The following PELP1 variants were observed in gnomAD, a reference collection of about 807,000 sequenced individuals.
The protein encoded by PELP1 is proline, glutamate and leucine rich protein 1.
A neutral mutation model predicts 95.5 loss-of-function variants in PELP1; 32 were observed. The ratio of observed to expected loss-of-function variants is 0.34; its 90% confidence interval spans 0.25 to 0.45. PELP1 has a LOEUF of 0.45. Among genes scored for constraint, PELP1 ranks in the 20% least tolerant of loss-of-function variants. The pLI, the probability that PELP1 is intolerant of heterozygous loss-of-function variation, is 1.00. For synonymous variants in PELP1, 668 were observed against 600.1 expected, an observed-to-expected ratio of 1.11 and a Z score of -1.65; for missense variants, 1,358 against 1,444.8, an observed-to-expected ratio of 0.94 and a Z score of 0.97.
intron 1 of PELP1, among the ~76,000 whole-genome samples, chr17:4,692,185 T>C (rs1043339473): frequency 3.3e-5 from 5 of 152,220 alleles, no homozygotes; most frequent in Non-Finnish European, 5.9e-5. Flanking sequence ...TTACTTGACA[T>C]GGCCGGGCGC....
Position 4,675,177 on chromosome 17 carries a change from C to T in PELP1, c.1176G>A (p.Leu392=), listed in dbSNP as rs1912408542. The change falls in exon 11 of 17, where the codon TTG becomes TTA. Residue 392 remains leucine (L), a synonymous_variant. Transcript: ENST00000572293. This position sits in a 1 kb window ranked among gnomAD's most constrained non-coding sequence, Gnocchi z 4.3. ...GGCGGCCGATCAGGATCCCAAAGCGCAAGAGCCGGCTTCCACACCTGGGGC... is the reference window on the plus strand; with the variant it reads ...GGCGGCCGATCAGGATCCCAAAGCGTAAGAGCCGGCTTCCACACCTGGGGC... The part of the protein sequence containing the change: ...ALILACGSRL[L]RFGILIGRLL... 6.2e-7 allele frequency: 1 copy of T among 1,613,694 alleles called. No homozygotes were observed. The highest frequency in any genetic ancestry group is 1.1e-5 in the South Asian group (1 of 91,064).
chr17:4,675,282 G>A lies in PELP1; in HGVS notation c.1149C>T (p.Leu383=), dbSNP rs1396138227. ...AGCCCAATCCCACTCACGCGAGGAT[G>A]AGTGCAGACAGCAGGTCCAAGGCCT... is the stretch of plus-strand genomic sequence containing the variant. The part of the protein sequence containing the change: ...HLEALDLLSA[L]ILACGSRLLR... The change falls in exon 10 of 17, where the codon CTC becomes CTT. Residue 383 remains leucine (L), a synonymous_variant. Transcript: ENST00000572293. This position sits in a 1 kb window ranked among gnomAD's most constrained non-coding sequence, Gnocchi z 4.3. 2 of 1,576,808 alleles carry A rather than the reference G, an allele frequency of 1.3e-6. No homozygotes were observed. The highest frequency in any genetic ancestry group is 2.3e-5 in the South Asian group (2 of 86,290).
intron 5 of PELP1, among the ~76,000 whole-genome samples, chr17:4,681,868 AAAGT>A (rs1324755955): frequency 1.3e-5 from 2 of 152,142 alleles, no homozygotes; most frequent in Non-Finnish European, 2.9e-5. Context: ...AAAAATGAAT[AAAGT>A]AAGATAGGGG....
At position 4,685,785 on chromosome 17, in the gene PELP1, C is replaced by G. The variant is rs1358551294; in HGVS notation, c.421-2833G>C. Among the ~76,000 whole-genome samples, 8 of 30,322 alleles carry G rather than the reference C, an allele frequency of 2.6e-4. No homozygotes were observed. In the East Asian group the frequency reaches 6.9e-3, roughly 26 times the overall value. 19.9% of individuals were successfully genotyped at this position (30,322 alleles called of 152,430 possible). A position where few individuals can be genotyped will look rare whatever the true frequency, so the allele number is the denominator to read the frequency against. On this transcript the variant is annotated intron_variant, in intron 3 of 16. Transcript: ENST00000572293. Reference sequence around the variant, plus strand: ...TCTAGCCCAGGTGACAAAATGAAACCATGTCTTAAAAAAAAAAGAACAAAA... The same window carrying G: ...TCTAGCCCAGGTGACAAAATGAAACGATGTCTTAAAAAAAAAAGAACAAAA...
chr17:4,673,471 G>A lies in PELP1; in HGVS notation c.1639-15C>T, dbSNP rs767760558. 6.3e-7 allele frequency: 1 copy of A among 1,583,716 alleles called. No individual in the cohort carries two copies. Among genetic ancestry groups the A allele is most frequent in the East Asian group, 2.3e-5 (1 of 43,586 alleles). ...TCATGCAGTCTCTGAAAAGGACAGA[G>A]CACACCTGGAAACATCCCCAAGACC... On this transcript the variant is annotated splice_polypyrimidine_tract_variant and intron_variant, in intron 14 of 16. Coordinates refer to ENST00000572293, the MANE Select transcript of PELP1 (RefSeq NM_014389.3). The surrounding 1 kb of genome is among the most constrained non-coding windows in gnomAD (Gnocchi z 5.7).
At chr17:4,678,444 C>A (rs1912574294) in intron 5 of PELP1, among the ~76,000 whole-genome samples, 1 of 152,120 alleles carries the variant, frequency 6.6e-6, no homozygotes, top group South Asian at 2.1e-4. Flanking sequence ...CACTGCACTC[C>A]TGGGTCACAG....
Position 4,671,882 on chromosome 17 carries a change from C to T in PELP1, c.3109G>A (p.Val1037Met), listed in dbSNP as rs764947682. Residue 1037 changes from valine (V) to methionine (M), a missense_variant, in exon 16 of 17, where the codon GTG becomes ATG. Physicochemically the swap from Val to Met is conservative, Grantham distance 21. This residue lies in a region of PELP1 where 283 missense variants were observed against 284.1 expected (regional missense o/e 1.00). Coordinates refer to ENST00000572293, the MANE Select transcript of PELP1 (RefSeq NM_014389.3). ...APEALPSQGE[V>M]EREGESPAAG... ...GCAGGGCTTTCCCCTTCCCTCTCCA[C>T]CTCTCCCTGGGAGGGGAGCGCTTCA... The T allele has an allele frequency of 4.6e-6, 7 of 1,514,504 alleles. No homozygotes were observed. The highest frequency in any genetic ancestry group is 6.2e-6 in the Non-Finnish European group (7 of 1,135,082). 93.8% of individuals were successfully genotyped at this position (1,514,504 alleles called of 1,614,324 possible). A position where few individuals can be genotyped will look rare whatever the true frequency, so the allele number is the denominator to read the frequency against.
intron 1 of PELP1, among the ~76,000 whole-genome samples, chr17:4,698,776 T>C (rs1467242799): frequency 1.3e-5 from 2 of 152,126 alleles, no homozygotes; most frequent in East Asian, 1.9e-4. Context: ...GGAGAACTGA[T>C]GGCAAAACTT....
chr17:4,682,939 G>A lies in PELP1; in HGVS notation c.434C>T (p.Pro145Leu). 6.8e-7 allele frequency: 1 copy of A among 1,467,016 alleles called. No individual in the cohort carries two copies. Among genetic ancestry groups the A allele is most frequent in the East Asian group, 2.5e-5 (1 of 40,264 alleles). The allele number at this position is 1,467,016 out of a possible 1,614,324, so 90.9% of individuals were successfully genotyped here. A position where few individuals can be genotyped will look rare whatever the true frequency, so the allele number is the denominator to read the frequency against. Residue 145 changes from proline to leucine, a missense_variant, in exon 4 of 17, where the codon CCT (proline) becomes CTT (leucine). By Grantham distance (98) the Pro-to-Leu change is moderately conservative (BLOSUM62 -3). Coordinates refer to ENST00000572293, the MANE Select transcript of PELP1 (RefSeq NM_014389.3). ...AGCCACGGCCAGCTCCATTGTGGCA[G>A]GCGGGTCCTGGGTCTAAAGAAAAAA... ...IQQVLQTQDP[P>L]ATMELAVAVL...
Position 4,683,410 on chromosome 17 carries a change from C to T in PELP1, c.421-458G>A, listed in dbSNP as rs112258559. Among the ~76,000 whole-genome samples, 1,183 of 151,566 alleles carry T rather than the reference C, an allele frequency of 7.8e-3. 12 individuals are homozygous for T. The highest frequency in any genetic ancestry group is 0.023 in the African/African-American group (940 of 41,342). ...TAATTTTTTGTATTTTTAGTAGAGA[C>T]GGGGTTTCACTATGTTAGCCAGGAT... On this transcript the variant is annotated intron_variant, in intron 3 of 16. Coordinates refer to ENST00000572293, the MANE Select transcript of PELP1 (RefSeq NM_014389.3).
chr17:4,698,008 GTT>G (rs60403748), intron 1 of PELP1, among the ~76,000 whole-genome samples: 19,676 of 132,962 alleles, frequency 0.15, 1,243 homozygotes, highest in Non-Finnish European at 0.23. Context: ...TTTCTGCAAG[GTT>G]TTTTTTTTTT....
Position 4,672,006 on chromosome 17 carries a change from C to A in PELP1, c.2985G>T (p.Val995=). Reference sequence around the variant, plus strand: ...CGGGTTCAGGTTCGGGTTCTGGCTGCACCTTTGGGGGAGACTCAGGGGGAG... The same window carrying A: ...CGGGTTCAGGTTCGGGTTCTGGCTGAACCTTTGGGGGAGACTCAGGGGGAG... ...ALPPPESPPK[V]QPEPEPEPGL... The change falls in exon 16 of 17, where the codon GTG becomes GTT. Residue 995 remains valine (V), a synonymous_variant. Coordinates refer to ENST00000572293, the MANE Select transcript of PELP1 (RefSeq NM_014389.3). 1 of 1,564,194 alleles carries A rather than the reference C, an allele frequency of 6.4e-7. No homozygotes were observed. The highest frequency in any genetic ancestry group is 1.9e-5 in the Admixed American group (1 of 52,384).
chr17:4,697,804 C>A (rs903246477), intron 1 of PELP1, among the ~76,000 whole-genome samples: 6 of 151,958 alleles, frequency 3.9e-5, no homozygotes, highest in African/African-American at 1.4e-4. Context: ...CAGGGAAGAA[C>A]CTTTAATAGA....
chr17:4,703,200 G>C (rs1230199009), intron 1 of PELP1, among the ~76,000 whole-genome samples: 1 of 152,032 alleles, frequency 6.6e-6, no homozygotes, highest in African/African-American at 2.4e-5. Context: ...CTCCACATCT[G>C]AGCCCCAGGA....
rs1913072003 is a variant in PELP1 at position 4,690,847 on chromosome 17, T to C, written c.420+41A>G. On this transcript the variant is annotated intron_variant, in intron 3 of 16. Transcript: ENST00000572293. Reference sequence around the variant, plus strand: ...GCCACATCCAAGATGGGGAATAAGATGGGGGAGGAGGAGGAAGTAGGGCAG... The same window carrying C: ...GCCACATCCAAGATGGGGAATAAGACGGGGGAGGAGGAGGAAGTAGGGCAG... The C allele has an allele frequency of 2.4e-6, 3 of 1,235,280 alleles. No homozygotes were observed. The Admixed American group carries it at 5.1e-5, about 21-fold the overall frequency. The allele number at this position is 1,235,280 out of a possible 1,614,324, so 76.5% of individuals were successfully genotyped here.
At chr17:4,679,066 A>AC (rs751340671) in intron 5 of PELP1, among the ~76,000 whole-genome samples, 1 of 151,364 alleles carries the variant, frequency 6.6e-6, no homozygotes, top group Non-Finnish European at 1.5e-5. Flanking sequence ...TCACTCTGTT[A>AC]CCCAGGCTAG....
In PELP1 at chr17:4,682,927, T is replaced by A. The variant is rs1355801503; in HGVS notation, c.446A>T (p.Glu149Val). 3.9e-6 allele frequency: 6 copies of A among 1,537,466 alleles called. No homozygotes were observed. The highest frequency in any genetic ancestry group is 1.4e-5 in the African/African-American group (1 of 70,716). The change falls in exon 4 of 17, where the codon GAG (glutamate) becomes GTG (valine). Residue 149 changes from glutamate to valine, a missense_variant. Around this residue, in one of 7 missense-constraint regions of PELP1, gnomAD observed 538 missense variants for 628.1 expected, o/e 0.86. Coordinates refer to ENST00000572293, the MANE Select transcript of PELP1 (RefSeq NM_014389.3). The part of the protein sequence containing the change: ...LQTQDPPATM[E>V]LAVAVLRDLL... ...GTCCCTCAGGACAGCCACGGCCAGCTCCATTGTGGCAGGCGGGTCCTGGGT... is the reference window on the plus strand; with the variant it reads ...GTCCCTCAGGACAGCCACGGCCAGCACCATTGTGGCAGGCGGGTCCTGGGT...
In PELP1 at chr17:4,672,294, T is replaced by TTCTTCTTCC; in HGVS notation, c.2688_2696dup (p.Glu906_Glu908dup). On this transcript the variant is annotated inframe_insertion, in exon 16 of 17. Coordinates refer to ENST00000572293, the MANE Select transcript of PELP1 (RefSeq NM_014389.3). ...CCTCCTCTTCCTCTTCTTCCTCTTC[T>TTCTTCTTCC]TCTTCTTCCTCTTCTTCCTCTTCCT... is the stretch of plus-strand genomic sequence containing the variant. The TTCTTCTTCC allele has an allele frequency of 3.9e-6, 6 of 1,551,248 alleles. No individual in the cohort carries two copies. Among genetic ancestry groups the TTCTTCTTCC allele is most frequent in the Middle Eastern group, 1.7e-4 (1 of 5,990 alleles).
In PELP1 at chr17:4,682,536, A is replaced by G. The variant is rs374803863; in HGVS notation, c.608T>C (p.Met203Thr). Residue 203 changes from methionine to threonine, a missense_variant, in exon 5 of 17, where the codon ATG (methionine) becomes ACG (threonine). Physicochemically the swap from Met to Thr is moderately conservative, Grantham distance 81 (BLOSUM62 -1). Around this residue, in one of 7 missense-constraint regions of PELP1, gnomAD observed 538 missense variants for 628.1 expected, o/e 0.86. Transcript: ENST00000572293. Reference protein sequence around the residue: ...QSALEGMKACMTYFPRACGSL... With the variant: ...QSALEGMKACTTYFPRACGSL... ...ACCACAAGCCCGAGGGAAATAGGTCATACAAGCCTTCATTCCTTCCAATGC... is the reference window on the plus strand; with the variant it reads ...ACCACAAGCCCGAGGGAAATAGGTCGTACAAGCCTTCATTCCTTCCAATGC... The G allele has an allele frequency of 6.2e-7, 1 of 1,613,462 alleles. No individual in the cohort carries two copies. Among genetic ancestry groups the G allele is most frequent in the South Asian group, 1.1e-5 (1 of 91,074 alleles).
Sources: gnomAD v4.1 joint callset for allele counts (sites outside exome capture counted in the v4.1 genomes callset) on GRCh38, gnomAD v4.1.1 for gene constraint, gnomAD v4.1.1 regional missense constraint, Gnocchi (gnomAD v3.1) non-coding constraint, MANE v1.5 for transcripts, NCBI Gene and HGNC (gene_info 2026-07-23, HGNC 2026-07-21) for gene names.